CUX1: variants seen among roughly 807,000 people sequenced by gnomAD.
CUX1 encodes protein CASP.
In CUX1, 31 loss-of-function variants were observed where a neutral mutation model predicts 158.8. The ratio of observed to expected loss-of-function variants is 0.20; its 90% CI spans 0.15 to 0.26. The LOEUF is 0.26. Among genes scored for constraint, CUX1 ranks in the 10% least tolerant of loss-of-function variants. The probability of loss-of-function intolerance (pLI) is 1.00; values close to 1 mark genes in which losing one functional copy is unlikely to be tolerated. For missense variants in CUX1, 1,589 were observed against 2,014.6 expected, an observed-to-expected ratio of 0.79 and a Z score of 4.04; for synonymous variants, 879 against 862.1, an observed-to-expected ratio of 1.02 and a Z score of -0.34.
chr7:102,155,581 A>G (rs897848153), intron 8 of CUX1, among the ~76,000 whole-genome samples: 1 of 151,628 alleles, frequency 6.6e-6, no homozygotes, highest in Non-Finnish European at 1.5e-5. Flanking sequence ...AATCCTTGCA[A>G]TTTGCCTTAA....
chr7:101,844,441 C>G (rs1795475129), intron 1 of CUX1, among the ~76,000 whole-genome samples: 1 of 152,210 alleles, frequency 6.6e-6, no homozygotes, highest in Non-Finnish European at 1.5e-5. Context: ...AATTGTAGGT[C>G]AAAATTCTTT....
chr7:102,226,627 G>GT (rs1187972891), intron 20 of CUX1, among the ~76,000 whole-genome samples: 7 of 149,568 alleles, frequency 4.7e-5, no homozygotes, highest in African/African-American at 7.5e-5. Flanking sequence ...CGCAGTTGTT[G>GT]TTTTTTTTCT....
intron 21 of CUX1, among the ~76,000 whole-genome samples, chr7:102,229,076 G>C (rs544692100): frequency 5.9e-5 from 9 of 152,238 alleles, no homozygotes. Flanking sequence ...TTTTATCATT[G>C]CTGTTCCCGC....
In CUX1 at chr7:101,817,742, G is replaced by A; in HGVS notation, c.30+73G>A. The A allele has an allele frequency of 2.6e-6, 4 of 1,529,720 alleles. No individual in the cohort carries two copies. The highest frequency in any genetic ancestry group is 2.4e-5 in the South Asian group (2 of 82,736). The allele number at this position is 1,529,720 out of a possible 1,614,324, so 94.8% of individuals were successfully genotyped here. On this transcript the variant is annotated intron_variant, in intron 1 of 23. Transcript: ENST00000292535. The surrounding 1 kb of genome is among the most constrained non-coding windows in gnomAD (Gnocchi z 4.1). ...AACCGGGGATGTCGGGGGGTGCCCG[G>A]GTCCCGCGGCTTAGAATGCTCTAGG... is the stretch of plus-strand genomic sequence containing the variant.
chr7:101,884,257 G>C (rs997039554), intron 1 of CUX1, among the ~76,000 whole-genome samples: 3 of 152,150 alleles, frequency 2.0e-5, no homozygotes, highest in Non-Finnish European at 4.4e-5. Context: ...TGATGTTTTG[G>C]TGTAAGCATA....
At position 102,197,166 on chromosome 7, in the gene CUX1, C is replaced by A. The variant is rs782192316; in HGVS notation, c.1755C>A (p.Ser585=). 23 of 1,614,212 alleles carry A rather than the reference C, an allele frequency of 1.4e-5. No homozygotes were observed. In the Admixed American group the frequency reaches 3.7e-4, roughly 26 times the overall value. The change falls in exon 15 of 24, where the codon TCC becomes TCA. Residue 585 remains serine, a synonymous_variant. Transcript: ENST00000292535. ...GHYVLGLSQG[S]VSEILARPKP... is the part of the protein sequence containing the mutation. ...ATGTGTTGGGACTGTCTCAAGGGTCCGTGAGCGAGATTCTGGCCCGGCCCA... is the reference window on the plus strand; with the variant it reads ...ATGTGTTGGGACTGTCTCAAGGGTCAGTGAGCGAGATTCTGGCCCGGCCCA...
At chr7:102,010,430 T>A (rs76240792) in intron 2 of CUX1, among the ~76,000 whole-genome samples, 2 of 149,422 alleles carry the variant, frequency 1.3e-5, no homozygotes, top group Non-Finnish European at 1.5e-5. Flanking sequence ...GACTTGGATA[T>A]GTGCTTACAT....
intron 5 of CUX1, among the ~76,000 whole-genome samples, 163 bp downstream of exon 5, chr7:102,097,664 A>G (rs1829342130): frequency 6.6e-6 from 1 of 151,896 alleles, no homozygotes; most frequent in African/African-American, 2.4e-5. Context: ...AGAGATGATA[A>G]TCATGCTGAG....
At chr7:102,275,402 G>A (rs542709922) in intron 17 of CUX1, 1 of 1,491,338 alleles carries the variant, frequency 6.7e-7, no homozygotes, top group East Asian at 2.3e-5. Context: ...TGGGCCCAAG[G>A]ACACAGTTGG....
chr7:101,978,418 A>G (rs111920353), intron 2 of CUX1, among the ~76,000 whole-genome samples: 1 of 152,150 alleles, frequency 6.6e-6, no homozygotes, highest in South Asian at 2.1e-4. Context: ...TGCCTGGTCC[A>G]CCAGCAAGCC....
chr7:101,882,772 TG>T (rs1028486834), intron 1 of CUX1, among the ~76,000 whole-genome samples: 1 of 152,146 alleles, frequency 6.6e-6, no homozygotes, highest in Non-Finnish European at 1.5e-5. Flanking sequence ...CCCCTCTCTG[TG>T]GGCGTGGGAT....
At chr7:102,127,539 A>C (rs1211791668) in intron 8 of CUX1, among the ~76,000 whole-genome samples, 2 of 151,792 alleles carry the variant, frequency 1.3e-5, no homozygotes, top group African/African-American at 2.4e-5. Context: ...GCATAGACTG[A>C]TAACATGATT....
At chr7:101,823,920 C>T (rs1306759573) in intron 1 of CUX1, among the ~76,000 whole-genome samples, 1 of 152,140 alleles carries the variant, frequency 6.6e-6, no homozygotes, top group Non-Finnish European at 1.5e-5. Flanking sequence ...TATGAAAAAA[C>T]CAAACCAAAC....
chr7:102,261,386 CAGG>C (rs1790387317), downstream of CUX1, among the ~76,000 whole-genome samples: 1 of 152,170 alleles, frequency 6.6e-6, no homozygotes, highest in East Asian at 1.9e-4. Flanking sequence ...CCCAGCTACT[CAGG>C]AGGCTGAGGC....
At chr7:102,197,949 C>G (rs1230482625) in intron 15 of CUX1, among the ~76,000 whole-genome samples, 3 of 152,176 alleles carry the variant, frequency 2.0e-5, no homozygotes, top group African/African-American at 7.2e-5. Context: ...ATGTCAGTCA[C>G]ATTCATAATT....
At chr7:101,962,426 G>A (rs1386638042) in intron 2 of CUX1, among the ~76,000 whole-genome samples, 1 of 152,204 alleles carries the variant, frequency 6.6e-6, no homozygotes, top group Non-Finnish European at 1.5e-5. Flanking sequence ...AACTAAAGCT[G>A]TTGTGTATAA....
intron 1 of CUX1, among the ~76,000 whole-genome samples, chr7:101,849,314 A>G (rs1452740607): frequency 6.8e-6 from 1 of 147,400 alleles, no homozygotes; most frequent in Admixed American, 6.8e-5. Flanking sequence ...ATTTCTCCTG[A>G]TCCTCTCCCT....
At chr7:101,937,451 G>A (rs555618167) in intron 2 of CUX1, among the ~76,000 whole-genome samples, 4 of 152,132 alleles carry the variant, frequency 2.6e-5, no homozygotes, top group Non-Finnish European at 5.9e-5. Flanking sequence ...GAAGTGGGGT[G>A]TGAGGAGGTT....
intron 6 of CUX1, among the ~76,000 whole-genome samples, chr7:102,106,322 T>C (rs1329029190): frequency 6.6e-6 from 1 of 152,074 alleles, no homozygotes; most frequent in Admixed American, 6.6e-5. Flanking sequence ...TCTCTTGACC[T>C]TGTGATCTGC....
Sources: allele counts gnomAD v4.1 joint callset (sites outside exome capture counted in the v4.1 genomes callset), GRCh38; gene constraint gnomAD v4.1.1; non-coding constraint Gnocchi (gnomAD v3.1); transcripts MANE v1.5; gene names NCBI Gene and HGNC (gene_info 2026-07-23, HGNC 2026-07-21).